DPEP2: variants seen among roughly 807,000 people sequenced by gnomAD.
DPEP2 encodes dipeptidase 2.
Under a neutral mutation model 51.8 loss-of-function variants are expected in DPEP2, and 45 were observed. The observed-to-expected ratio is 0.87, with a 90% CI of 0.68 to 1.11. The LOEUF is 1.11. DPEP2 is among the 50% of genes most tolerant of loss of function. DPEP2 has a pLI of 0.00. For synonymous variants in DPEP2, 255 were observed against 262.7 expected, an observed-to-expected ratio of 0.97 and a Z score of 0.28; for missense variants, 604 against 631.9, an observed-to-expected ratio of 0.96 and a Z score of 0.47.
rs772509435 is a variant in DPEP2, at chr16:67,991,850, C to A, written c.650G>T (p.Cys217Phe). 1.9e-6 allele frequency: 3 copies of A among 1,613,964 alleles called. No individual in the cohort carries two copies. The South Asian group carries it at 3.3e-5, about 18-fold the overall frequency. Residue 217 changes from cysteine (C) to phenylalanine (F), a missense_variant, in exon 5 of 11, where the codon TGC becomes TTC. Coordinates refer to ENST00000393847, the MANE Select transcript of DPEP2 (RefSeq NM_022355.4). This position sits in a 1 kb window ranked among gnomAD's most constrained non-coding sequence, Gnocchi z 5.1. The part of the protein sequence containing the change: ...GVRYLTLTHT[C>F]NTPWAESSAK... ...GCACTAGGCTCACCAGGGTGTGTTG[C>A]AGGTGTGGGTGAGCGTCAGGTAGCG...
intron 3 of DPEP2, 102 bp from the exon 4 acceptor site, chr16:67,992,295 G>A: frequency 6.7e-7 from 1 of 1,503,440 alleles, no homozygotes; most frequent in Non-Finnish European, 9.0e-7. Context: ...GGGCCAGGAG[G>A]CCACATGTAA....
rs2032374789 is a variant in DPEP2, at chr16:67,993,021, G to A, written c.192C>T (p.Leu64=). The A allele has an allele frequency of 6.3e-7, 1 of 1,597,078 alleles. No homozygotes were observed. The highest frequency in any genetic ancestry group is 8.5e-7 in the Non-Finnish European group (1 of 1,171,492). The change falls in exon 2 of 11, where the codon CTC becomes CTT. Residue 64 remains leucine, a synonymous_variant. Transcript: ENST00000393847. ...MPGTYAPSTT[L]SSPSTQGLQE... Reference sequence around the variant, plus strand: ...GCAGGCCCTGGGTGCTGGGACTACTGAGTGTGGTCGAGGGAGCGTAGGTGC... The same window carrying A: ...GCAGGCCCTGGGTGCTGGGACTACTAAGTGTGGTCGAGGGAGCGTAGGTGC...
intron 1 of DPEP2, among the ~76,000 whole-genome samples, chr16:67,996,365 TTC>T (rs1381638635): frequency 3.2e-5 from 3 of 93,174 alleles, no homozygotes; most frequent in Non-Finnish European, 6.5e-5. Flanking sequence ...TGAATTTTTT[TTC>T]TTTTTTTTTT....
Position 67,990,761 on chromosome 16 carries a change from G to C in DPEP2, c.909+60C>G. 5.1e-6 allele frequency: 8 copies of C among 1,557,966 alleles called. 1 individual carries two copies. In the South Asian group the frequency reaches 8.5e-5, roughly 17 times the overall value. On this transcript the variant is annotated intron_variant, in intron 7 of 10. Transcript: ENST00000393847. ...TTACAGGTGTGAGCCACCATGCCTG[G>C]CCGAAGGGCTCCTGGTTTGAACCTC...
chr16:68,000,367 G>A (rs1215814234), upstream of DPEP2: 1 of 903,228 alleles, frequency 1.1e-6, no homozygotes, highest in East Asian at 1.2e-4. Flanking sequence ...ATGCAGGGAA[G>A]GAAAAAGTCA....
At chr16:67,989,526 G>T in intron 8 of DPEP2, 128 bp from the exon 9 acceptor site, 1 of 914,516 alleles carries the variant, frequency 1.1e-6, no homozygotes, top group Non-Finnish European at 1.7e-6. Context: ...TTTATGGCCT[G>T]CCACATAGCT....
rs543052415 is a variant in DPEP2, at chr16:67,993,949, G to A, written c.-45-692C>T. ...GGAGCACTCCTCCGCCCCCCGCCCCGACCGCACATTCTCCAATCAGCCTTA... is the reference window on the plus strand; with the variant it reads ...GGAGCACTCCTCCGCCCCCCGCCCCAACCGCACATTCTCCAATCAGCCTTA... On this transcript the variant is annotated intron_variant, in intron 1 of 10. Coordinates refer to ENST00000393847, the MANE Select transcript of DPEP2 (RefSeq NM_022355.4). 42 of 984,134 alleles carry A rather than the reference G, an allele frequency of 4.3e-5. No homozygotes were observed. In the South Asian group the frequency reaches 1.3e-3, roughly 31 times the overall value. 61.0% of individuals were successfully genotyped at this position (984,134 alleles called of 1,614,324 possible).
Position 67,991,251 on chromosome 16 carries a change from AC to A in DPEP2, c.663-68del. On this transcript the variant is annotated intron_variant, in intron 5 of 10. Transcript: ENST00000393847. The surrounding 1 kb of genome is among the most constrained non-coding windows in gnomAD (Gnocchi z 5.1). ...TCGGCCTCAAGAGTCTAGAGGCCCT[AC>A]CCACCCTCCATCCCTGCACCCCCCT... 6.6e-7 allele frequency: 1 copy of A among 1,516,214 alleles called. No individual in the cohort carries two copies. Among genetic ancestry groups the A allele is most frequent in the Non-Finnish European group, 9.1e-7 (1 of 1,102,160 alleles). The allele number at this position is 1,516,214 out of a possible 1,614,324, so 93.9% of individuals were successfully genotyped here.
chr16:67,993,191 C>T lies in DPEP2; in HGVS notation c.22G>A (p.Gly8Ser), dbSNP rs753922139. The T allele has an allele frequency of 6.8e-7, 1 of 1,478,104 alleles. No homozygotes were observed. The highest frequency in any genetic ancestry group is 9.0e-7 in the Non-Finnish European group (1 of 1,110,634). 91.6% of individuals were successfully genotyped at this position (1,478,104 alleles called of 1,614,324 possible). The part of the protein sequence containing the change: MQPSGLE[G>S]PGTFGRWPLL... The stretch of plus-strand genomic sequence containing the variant: ...GGCCACCGACCAAACGTGCCGGGAC[C>T]CTCGAGGCCGGAGGGCTGCATGTTG... Residue 8 changes from glycine (G) to serine (S), a missense_variant, in exon 2 of 11, where the codon GGT becomes AGT. Coordinates refer to ENST00000393847, the MANE Select transcript of DPEP2 (RefSeq NM_022355.4).
intron 1 of DPEP2, among the ~76,000 whole-genome samples, chr16:67,995,780 A>G (rs1404759467): frequency 6.6e-6 from 1 of 152,104 alleles, no homozygotes; most frequent in African/African-American, 2.4e-5. Flanking sequence ...CTTGGCCAAC[A>G]TGGGGAAACC....
At chr16:67,989,534 G>T in intron 8 of DPEP2, 136 bp from the exon 9 acceptor site, 1 of 843,002 alleles carries the variant, frequency 1.2e-6, no homozygotes, top group Non-Finnish European at 1.9e-6. Flanking sequence ...CTGCCACATA[G>T]CTTGGCAACC....
intron 1 of DPEP2, chr16:67,994,139 G>A: frequency 1.0e-6 from 1 of 985,408 alleles, no homozygotes; most frequent in Non-Finnish European, 1.2e-6. Flanking sequence ...TAGGGCAGCA[G>A]AGTCCCCGGC....
At chr16:67,998,422 C>T (rs6499151) in intron 1 of DPEP2, among the ~76,000 whole-genome samples, 7,341 of 152,282 alleles carry the variant, frequency 0.048, 547 homozygotes, top group African/African-American at 0.16. Context: ...CTGCGCTCGA[C>T]TTCTCACCGG....
At chr16:68,000,536 G>C, upstream of DPEP2, 1 of 968,876 alleles carries the variant, frequency 1.0e-6, no homozygotes, top group Non-Finnish European at 1.2e-6. Context: ...TGTCGCCCTG[G>C]ATCTGCTCCC....
At chr16:67,988,551 C>T (rs1023041000) in intron 9 of DPEP2, among the ~76,000 whole-genome samples, 3 of 150,382 alleles carry the variant, frequency 2.0e-5, no homozygotes, top group Admixed American at 6.7e-5. Context: ...TGCAGTGAGC[C>T]GAGATTGTGC....
chr16:67,988,115 A>G (rs2031641740), intron 9 of DPEP2, 128 bp from the exon 10 acceptor site: 3 of 1,170,016 alleles, frequency 2.6e-6, no homozygotes, highest in Non-Finnish European at 3.6e-6. Context: ...AGAGTAGGTA[A>G]TTCTCCTCTG....
upstream of DPEP2, among the ~76,000 whole-genome samples, chr16:68,000,121 A>G (rs979694787): frequency 1.3e-5 from 2 of 152,174 alleles, no homozygotes; most frequent in African/African-American, 4.8e-5. Flanking sequence ...GAGCCTTGGC[A>G]CAACCTCAGC....
In DPEP2 at chr16:67,987,776, G is replaced by C; in HGVS notation, c.1207-16C>G. ...CTTCCTGTACCTAGAGGTGGCAGTC[G>C]GTGCTCAGCTTCCACAGCTCTCCTT... On this transcript the variant is annotated splice_polypyrimidine_tract_variant and intron_variant, in intron 10 of 10. Transcript: ENST00000393847. The C allele has an allele frequency of 6.2e-7, 1 of 1,612,554 alleles. No homozygotes were observed. Among genetic ancestry groups the C allele is most frequent in the Non-Finnish European group, 8.5e-7 (1 of 1,178,686 alleles).
chr16:67,996,652 G>A (rs2032714582), intron 1 of DPEP2, among the ~76,000 whole-genome samples: 1 of 152,022 alleles, frequency 6.6e-6, no homozygotes, highest in South Asian at 2.1e-4. Flanking sequence ...AAAGCGCTGG[G>A]ATTATAGGTG....
Sources: allele counts gnomAD v4.1 joint callset (sites outside exome capture counted in the v4.1 genomes callset), GRCh38; gene constraint gnomAD v4.1.1; non-coding constraint Gnocchi (gnomAD v3.1); transcripts MANE v1.5; gene names NCBI Gene and HGNC (gene_info 2026-07-23, HGNC 2026-07-21).